Variants in PSMA1 observed in about 807,000 individuals in gnomAD.
The protein encoded by PSMA1 is proteasome 20S subunit alpha 1, also known as proteasome subunit alpha type-1.
Under a neutral mutation model 38.4 loss-of-function variants are expected in PSMA1, and 3 were observed. That is an observed-to-expected ratio of 0.08 (90% CI 0.04 to 0.20). The LOEUF is 0.20. Ranked by LOEUF, PSMA1 falls within the 10% of genes least tolerant of loss-of-function variation. PSMA1 has a pLI of 1.00. For synonymous variants in PSMA1, 101 were observed against 107.1 expected (o/e 0.94, Z 0.35); for missense variants, 227 against 325.3 (o/e 0.70, Z 2.32).
chr11:14,611,189 A>ATAT, intron 1 of PSMA1: 1 of 527,114 alleles, frequency 1.9e-6, no homozygotes, highest in Admixed American at 3.6e-5. Context: ...AACATGAGTT[A>ATAT]TATTAGATCT....
exon 2 of PSMA1, chr11:14,610,989 C>G (rs201540730): frequency 3.5e-5 from 56 of 1,612,984 alleles, no homozygotes; most frequent in Non-Finnish European, 4.4e-5. Context: ...AGCTGCATAA[C>G]ATTTCCAGGA....
At chr11:14,564,453 A>G (rs978162329) in intron 2 of PSMA1, among the ~76,000 whole-genome samples, 2 of 152,352 alleles carry the variant, frequency 1.3e-5, no homozygotes, top group East Asian at 3.9e-4. Context: ...ATTGAAGTAT[A>G]TCTGGATTGC....
At chr11:14,538,644 T>C (rs1851737710) in intron 2 of PSMA1, among the ~76,000 whole-genome samples, 2 of 152,256 alleles carry the variant, frequency 1.3e-5, no homozygotes, top group Admixed American at 1.3e-4. Context: ...TTCACATCAC[T>C]ACCACCAACC....
At chr11:14,620,939 C>T (rs936377518) in intron 1 of PSMA1, among the ~76,000 whole-genome samples, 1 of 152,138 alleles carries the variant, frequency 6.6e-6, no homozygotes, top group African/African-American at 2.4e-5. Flanking sequence ...CAGAGAATAG[C>T]AGCTTTAAGG....
chr11:14,526,323 C>T (rs1851585042), intron 2 of PSMA1, among the ~76,000 whole-genome samples: 1 of 152,180 alleles, frequency 6.6e-6, no homozygotes, highest in Non-Finnish European at 1.5e-5. Flanking sequence ...CCCACACTAG[C>T]TCTCCCTGAC....
At chr11:14,630,131 C>G (rs561322976) in intron 1 of PSMA1, among the ~76,000 whole-genome samples, 86 of 152,246 alleles carry the variant, frequency 5.6e-4, no homozygotes, top group South Asian at 6.2e-4. Context: ...TTGACTTCCT[C>G]TTTTCCTAAT....
At chr11:14,638,553 A>C (rs1179464464) in intron 1 of PSMA1, among the ~76,000 whole-genome samples, 1,043 of 11,848 alleles carry the variant, frequency 0.088, 12 homozygotes, top group African/African-American at 0.14. Context: ...CTCTATATAT[A>C]TATATATATA....
At chr11:14,621,613 C>T (rs1462868641) in intron 1 of PSMA1, among the ~76,000 whole-genome samples, 2 of 152,158 alleles carry the variant, frequency 1.3e-5, no homozygotes, top group Non-Finnish European at 2.9e-5. Context: ...AATGAATTGG[C>T]ACATAGTAAC....
intron 1 of PSMA1, among the ~76,000 whole-genome samples, chr11:14,617,249 A>C (rs1852784765): frequency 6.6e-6 from 1 of 152,208 alleles, no homozygotes; most frequent in Non-Finnish European, 1.5e-5. Flanking sequence ...AATCTTCTCC[A>C]TCTGGAAGGA....
At chr11:14,524,962 C>T (rs1851570565), upstream of PSMA1, among the ~76,000 whole-genome samples, 1 of 152,094 alleles carries the variant, frequency 6.6e-6, no homozygotes, top group Admixed American at 6.5e-5. Context: ...CTGACACTGC[C>T]CAATCTTCTC....
intron 2 of PSMA1, among the ~76,000 whole-genome samples, chr11:14,530,613 G>A (rs536858287): frequency 1.3e-5 from 2 of 152,214 alleles, no homozygotes; most frequent in South Asian, 4.1e-4. Flanking sequence ...ATTTAGTTAA[G>A]AGTTAGTGGG....
At chr11:14,601,365 G>C (rs1852578502) in intron 2 of PSMA1, among the ~76,000 whole-genome samples, 1 of 152,150 alleles carries the variant, frequency 6.6e-6, no homozygotes, top group African/African-American at 2.4e-5. Context: ...CTAAGTTCTA[G>C]CCTCCTGGAT....
In PSMA1 at chr11:14,511,217, A is replaced by G. The variant is rs569074080; in HGVS notation, c.545-266T>C. Among the ~76,000 whole-genome samples, 22 of 152,346 alleles carry G rather than the reference A, an allele frequency of 1.4e-4. No homozygotes were observed. In the South Asian group the frequency reaches 4.3e-3, roughly 30 times the overall value. Reference sequence around the variant, plus strand: ...GCTAGGTCAAATCAAAATCCCGACTATAAATTATACAACTCCAAGTTTTGT... The same window carrying G: ...GCTAGGTCAAATCAAAATCCCGACTGTAAATTATACAACTCCAAGTTTTGT... On this transcript the variant is annotated intron_variant, in intron 7 of 9. Coordinates refer to ENST00000396394, the MANE Select transcript of PSMA1 (RefSeq NM_002786.4).
intron 2 of PSMA1, among the ~76,000 whole-genome samples, chr11:14,539,872 AAAC>A (rs1265423137): frequency 2.6e-5 from 4 of 151,838 alleles, no homozygotes; most frequent in East Asian, 1.9e-4. Context: ...AAGAAAAAAA[AAAC>A]AACAACAGGA....
At chr11:14,638,212 A>T (rs1853134943) in intron 1 of PSMA1, among the ~76,000 whole-genome samples, 1 of 152,092 alleles carries the variant, frequency 6.6e-6, no homozygotes, top group South Asian at 2.1e-4. Context: ...ACATCGTGCT[A>T]CCTGGCCTTT....
intron 2 of PSMA1, among the ~76,000 whole-genome samples, chr11:14,535,529 C>T (rs567728441): frequency 2.8e-4 from 43 of 151,688 alleles, no homozygotes; most frequent in Non-Finnish European, 5.7e-4. Flanking sequence ...CTGCAACCTC[C>T]GCCTCCAGGG....
chr11:14,560,858 A>G (rs543333906), intron 2 of PSMA1, among the ~76,000 whole-genome samples: 25 of 152,278 alleles, frequency 1.6e-4, no homozygotes, highest in Non-Finnish European at 2.5e-4. Flanking sequence ...GCTTCTGTAC[A>G]CAGAAGCTGT....
At chr11:14,564,296 C>T (rs924852610) in intron 2 of PSMA1, among the ~76,000 whole-genome samples, 5 of 152,140 alleles carry the variant, frequency 3.3e-5, no homozygotes, top group Non-Finnish European at 7.4e-5. Context: ...TGGAATCACA[C>T]AATGTGTAAA....
chr11:14,519,349 T>A (rs1851487280), intron 1 of PSMA1: 2 of 416,964 alleles, frequency 4.8e-6, no homozygotes, highest in Non-Finnish European at 9.2e-6. Context: ...TATTTTTGCT[T>A]ATGCTGCTCC....
Sources: allele counts gnomAD v4.1 joint callset (sites outside exome capture counted in the v4.1 genomes callset), GRCh38; gene constraint gnomAD v4.1.1; transcripts MANE v1.5; gene names NCBI Gene and HGNC (gene_info 2026-07-23, HGNC 2026-07-21).